The following C1QTNF8 variants were observed in gnomAD, a reference collection of about 807,000 sequenced individuals.
C1QTNF8 encodes C1q and TNF related 8.
C1QTNF8 carries 27 observed loss-of-function variants against 19.2 expected under a neutral mutation model. That is an observed-to-expected ratio of 1.41 (90% confidence interval 1.04 to 1.94). C1QTNF8 has a LOEUF of 1.94. Ranked by LOEUF, C1QTNF8 falls within the 30% of genes most tolerant of loss-of-function variation. The pLI is 0.00. For synonymous variants in C1QTNF8, 208 were observed against 172.8 expected, an observed-to-expected ratio of 1.20 and a Z score of -1.60; for missense variants, 484 against 374.4, an observed-to-expected ratio of 1.29 and a Z score of -2.42.
intron 4 of C1QTNF8, among the ~76,000 whole-genome samples, chr16:1,091,156 G>A (rs1352911881): frequency 2.6e-5 from 4 of 152,144 alleles, no homozygotes; most frequent in African/African-American, 7.2e-5. Flanking sequence ...AGGATCAAGG[G>A]GCCGTGGGGG....
rs1363004577 is a variant in C1QTNF8, at chr16:1,093,602, GCAC to G, written c.655_657del (p.Val219del). ...TTGTCCCGGTCGCGCTGGAACATGC[GCAC>G]CCAGACGGCGTCGCCCGCCGCCAGC... On this transcript the variant is annotated inframe_deletion, in exon 4 of 5. Transcript: ENST00000328449. 28 of 1,602,506 alleles carry G rather than the reference GCAC, an allele frequency of 1.7e-5. No individual in the cohort carries two copies. Among genetic ancestry groups the G allele is most frequent in the Non-Finnish European group, 8.5e-7 (1 of 1,175,020 alleles).
At chr16:1,094,105 C>G in intron 3 of C1QTNF8, 54 bp from the exon 4 acceptor site, 42 of 1,346,168 alleles carry the variant, frequency 3.1e-5, no homozygotes, top group Non-Finnish European at 3.8e-5. Context: ...CAGGCCTCCC[C>G]CATTCCAGCA....
At chr16:1,094,404 G>A in intron 3 of C1QTNF8, among the ~76,000 whole-genome samples, 1 of 152,316 alleles carries the variant, frequency 6.6e-6, no homozygotes, top group Admixed American at 6.5e-5. Flanking sequence ...CCGTGTCAAG[G>A]GGTCTCAGAG....
intron 4 of C1QTNF8, among the ~76,000 whole-genome samples, chr16:1,091,834 C>A (rs1255622183): frequency 6.9e-6 from 1 of 145,638 alleles, no homozygotes; most frequent in African/African-American, 2.7e-5. Context: ...ACCACTAGAG[C>A]AGCCCCACCC....
At chr16:1,091,985 G>A (rs960225280) in intron 4 of C1QTNF8, among the ~76,000 whole-genome samples, 1 of 152,216 alleles carries the variant, frequency 6.6e-6, no homozygotes, top group Admixed American at 6.5e-5. Flanking sequence ...TGTCTCCTCA[G>A]CAAGGGTGCC....
Position 1,088,907 on chromosome 16 carries a change from G to A in C1QTNF8, c.*1692C>T, listed in dbSNP as rs770422032. The stretch of plus-strand genomic sequence containing the variant: ...GTCCAGCCTGTCCCTCGGAATAAGC[G>A]CCTGGCTTCGGGGCTGCTGTGGTCA... On this transcript the variant is annotated 3_prime_UTR_variant, in exon 5 of 5. Coordinates refer to ENST00000328449, the MANE Select transcript of C1QTNF8 (RefSeq NM_207419.3). Among the ~76,000 whole-genome samples, 8 of 151,976 alleles carry A rather than the reference G, an allele frequency of 5.3e-5. No homozygotes were observed. The highest frequency in any genetic ancestry group is 8.8e-5 in the Non-Finnish European group (6 of 67,948).
Position 1,095,730 on chromosome 16 carries a change from C to G in C1QTNF8, c.-127G>C, listed in dbSNP as rs924128334. 5 of 152,304 alleles carry G rather than the reference C, an allele frequency of 3.3e-5. No individual in the cohort carries two copies. The highest frequency in any genetic ancestry group is 1.2e-4 in the African/African-American group (5 of 41,444). The allele number at this position is 152,304 out of a possible 1,614,324, so 9.4% of individuals were successfully genotyped here. On this transcript the variant is annotated 5_prime_UTR_variant, in exon 2 of 5. Coordinates refer to ENST00000328449, the MANE Select transcript of C1QTNF8 (RefSeq NM_207419.3). ...AAGATGGGCTCTGCTGGACAAAGAT[C>G]TAGGCTGCCTCCTTCAGGAAGCCCT...
intron 2 of C1QTNF8, 128 bp from the exon 3 acceptor site, chr16:1,095,061 C>A: frequency 4.6e-6 from 2 of 431,016 alleles, no homozygotes; most frequent in Non-Finnish European, 8.0e-6. Flanking sequence ...TCTGCCTGGG[C>A]ACGGACGGTC....
chr16:1,094,671 G>C lies in C1QTNF8; in HGVS notation c.208+44C>G, dbSNP rs754406054. On this transcript the variant is annotated intron_variant, in intron 3 of 4. Transcript: ENST00000328449. ...TGCTCCCCACTCCCTGTGGGCTGTT[G>C]GGTCCTGGTGGGGGAGCATGCAGGC... 48 of 1,538,746 alleles carry C rather than the reference G, an allele frequency of 3.1e-5. 1 individual carries two copies. In the Admixed American group the frequency reaches 7.6e-4, roughly 25 times the overall value.
chr16:1,092,176 C>T (rs1011789280), intron 4 of C1QTNF8, among the ~76,000 whole-genome samples: 2 of 152,232 alleles, frequency 1.3e-5, no homozygotes, highest in Non-Finnish European at 2.9e-5. Flanking sequence ...CTTTCCTGTG[C>T]GCCAGCCCCT....
rs1248468555 is a variant in C1QTNF8, at chr16:1,093,544, A to C, written c.716T>G (p.Ile239Ser). Reference protein sequence around the residue: ...AIYGEHGDLYITFSGHLVKPA... With the variant: ...AIYGEHGDLYSTFSGHLVKPA... ...CTTGACCAGGTGGCCGCTGAAGGTGATGTAGAGGTCTCCGTGCTCGCCGTA... is the reference window on the plus strand; with the variant it reads ...CTTGACCAGGTGGCCGCTGAAGGTGCTGTAGAGGTCTCCGTGCTCGCCGTA... The change falls in exon 4 of 5, where the codon ATC (isoleucine) becomes AGC (serine). Residue 239 changes from isoleucine to serine, a missense_variant. Transcript: ENST00000328449. 1 of 1,582,324 alleles carries C rather than the reference A, an allele frequency of 6.3e-7. No homozygotes were observed. Among genetic ancestry groups the C allele is most frequent in the Non-Finnish European group, 8.6e-7 (1 of 1,162,404 alleles).
chr16:1,091,421 G>A (rs114403978), intron 4 of C1QTNF8, among the ~76,000 whole-genome samples: 2,610 of 152,238 alleles, frequency 0.017, 55 homozygotes, highest in African/African-American at 0.055. Context: ...GCTGGGAAGA[G>A]GGGGAGGGAG....
chr16:1,090,372 CCGCCCCTCCTCCTGTCCTGCG>C lies in C1QTNF8; in HGVS notation c.*206_*226del. 8 of 152,476 alleles carry C rather than the reference CCGCCCCTCCTCCTGTCCTGCG, an allele frequency of 5.2e-5. 1 individual carries two copies. The Middle Eastern group carries it at 0.027, about 519-fold the overall frequency. 9.4% of individuals were successfully genotyped at this position (152,476 alleles called of 1,614,324 possible). ...CACAGCAAATGGCGGGCCCCTGTAG[CCGCCCCTCCTCCTGTCCTGCG>C]CTGTTGGGGGCCACGCTTGTTCCCC... On this transcript the variant is annotated 3_prime_UTR_variant, in exon 5 of 5. Coordinates refer to ENST00000328449, the MANE Select transcript of C1QTNF8 (RefSeq NM_207419.3).
At chr16:1,094,081 G>A (rs758979477) in intron 3 of C1QTNF8, 30 bp from the exon 4 acceptor site, 128 of 1,402,602 alleles carry the variant, frequency 9.1e-5, no homozygotes, top group Admixed American at 1.6e-4. Context: ...GCCACGGGTC[G>A]GGGCCGGGCT....
intron 4 of C1QTNF8, 101 bp downstream of exon 4, chr16:1,093,396 C>CCACCCACACACACA (rs1960600601): frequency 3.6e-6 from 2 of 551,478 alleles, no homozygotes; most frequent in Non-Finnish European, 2.9e-6. Flanking sequence ...ACACCCACAC[C>CCACCCACACACACA]CACCCACACA....
rs370784516 is a variant in C1QTNF8, at chr16:1,091,065, G to A, written c.*5-471C>T. ...GTACTGGTGGGGGCCCCTGTGGGGA[G>A]GGAGTGGGGGCAGGGCAGGCCCTAA... On this transcript the variant is annotated intron_variant, in intron 4 of 4. Coordinates refer to ENST00000328449, the MANE Select transcript of C1QTNF8 (RefSeq NM_207419.3). Among the ~76,000 whole-genome samples the A allele has an allele frequency of 1.1e-4, 17 of 152,306 alleles. No individual in the cohort carries two copies. The South Asian group carries it at 3.1e-3, about 28-fold the overall frequency.
chr16:1,093,896 C>T lies in C1QTNF8; in HGVS notation c.364G>A (p.Gly122Ser). 1 of 1,563,210 alleles carries T rather than the reference C, an allele frequency of 6.4e-7. No homozygotes were observed. The highest frequency in any genetic ancestry group is 8.6e-7 in the Non-Finnish European group (1 of 1,163,804). The change falls in exon 4 of 5, where the codon GGC (glycine) becomes AGC (serine). Residue 122 changes from glycine (G) to serine (S), a missense_variant. Physicochemically the swap from Gly to Ser is moderately conservative, Grantham distance 56. Transcript: ENST00000328449. Reference sequence around the variant, plus strand: ...GAGCTGTGCAGGCCCTCGCGCCGGCCCACGGAGAAGGCGGCGTAGGCACGT... The same window carrying T: ...GAGCTGTGCAGGCCCTCGCGCCGGCTCACGGAGAAGGCGGCGTAGGCACGT... ...CRRAYAAFSV[G>S]RREGLHSSDH...
Position 1,088,852 on chromosome 16 carries a change from T to C in C1QTNF8, c.*1747A>G, listed in dbSNP as rs1022380764. Among the ~76,000 whole-genome samples the C allele has an allele frequency of 9.9e-4, 52 of 52,440 alleles. No individual in the cohort carries two copies. The highest frequency in any genetic ancestry group is 1.9e-3 in the Non-Finnish European group (49 of 25,722). 34.4% of individuals were successfully genotyped at this position (52,440 alleles called of 152,430 possible). A position where few individuals can be genotyped will look rare whatever the true frequency, so the allele number is the denominator to read the frequency against. Reference sequence around the variant, plus strand: ...CTTAGTATCCGCAGCTGCAACTACCTATAGGCCACGGCGACGTCTGTGCGG... The same window carrying C: ...CTTAGTATCCGCAGCTGCAACTACCCATAGGCCACGGCGACGTCTGTGCGG... On this transcript the variant is annotated 3_prime_UTR_variant, in exon 5 of 5. Coordinates refer to ENST00000328449, the MANE Select transcript of C1QTNF8 (RefSeq NM_207419.3).
At position 1,093,643 on chromosome 16, in the gene C1QTNF8, C is replaced by G. The variant is rs1329794124; in HGVS notation, c.617G>C (p.Ser206Thr). ...GCCCGCCGCCAGCAGCAGCATCAGG[C>G]TCTGGGCCTGCATGACGCTGCGCTC... ...PSERSVMQAQ[S>T]LMLLLAAGDA... The change falls in exon 4 of 5, where the codon AGC becomes ACC. Residue 206 changes from serine to threonine, a missense_variant. By Grantham distance (58) the Ser-to-Thr change is moderately conservative. Coordinates refer to ENST00000328449, the MANE Select transcript of C1QTNF8 (RefSeq NM_207419.3). 7 of 1,610,932 alleles carry G rather than the reference C, an allele frequency of 4.3e-6. No individual in the cohort carries two copies. The highest frequency in any genetic ancestry group is 5.9e-6 in the Non-Finnish European group (7 of 1,179,048).
Sources: gnomAD v4.1 joint callset for allele counts (sites outside exome capture counted in the v4.1 genomes callset) on GRCh38, gnomAD v4.1.1 for gene constraint, MANE v1.5 for transcripts, NCBI Gene and HGNC (gene_info 2026-07-23, HGNC 2026-07-21) for gene names.